The following TF variants were observed in gnomAD, a reference collection of about 807,000 sequenced individuals.
TF encodes the protein transferrin.
Under a neutral mutation model 82.4 loss-of-function variants are expected in TF, and 55 were observed. The ratio of observed to expected loss-of-function variants is 0.67; its 90% CI spans 0.54 to 0.84. The LOEUF (loss-of-function observed/expected upper bound fraction) is 0.84, where lower values mean the gene tolerates loss of function less well. TF is among the 40% of genes least tolerant of loss of function. The probability of loss-of-function intolerance (pLI) is 0.00; values close to 1 mark genes in which losing one functional copy is unlikely to be tolerated. For synonymous variants in TF, 332 were observed against 332.6 expected (o/e 1.00, Z 0.02); for missense variants, 737 against 868.4 (o/e 0.85, Z 1.90).
At chr3:133,730,887 A>C in the TF span, among the ~76,000 whole-genome samples, 1 of 152,110 alleles carries the variant, frequency 6.6e-6, no homozygotes, top group Admixed American at 6.5e-5. Flanking sequence ...TTTTAAGTAG[A>C]TGCTACCCTA....
the TF span, among the ~76,000 whole-genome samples, chr3:133,697,545 C>G: frequency 6.6e-6 from 1 of 152,202 alleles, no homozygotes; most frequent in South Asian, 2.1e-4. Flanking sequence ...TGCCCAAAGT[C>G]ACTTGTGTGC....
At chr3:133,701,411 A>T in the TF span, among the ~76,000 whole-genome samples, 1 of 152,200 alleles carries the variant, frequency 6.6e-6, no homozygotes, top group Non-Finnish European at 1.5e-5. Context: ...CTGGCCATCT[A>T]CTGGATCTCT....
Position 133,751,152 on chromosome 3 carries a change from T to C in TF, c.217-2443T>C, listed in dbSNP as rs561845507. ...CTTAAAAATAAATGAAACTCTGATA[T>C]ATGCTACACTGAGATGAACCTTGAA... On this transcript the variant is annotated intron_variant, in intron 2 of 16. Transcript: ENST00000402696. Among the ~76,000 whole-genome samples the C allele has an allele frequency of 2.2e-4, 34 of 152,120 alleles. 1 individual carries two copies. Among genetic ancestry groups the C allele is most frequent in the Middle Eastern group, 3.4e-3 (1 of 294 alleles).
chr3:133,727,340 T>C, the TF span, among the ~76,000 whole-genome samples: 2 of 150,874 alleles, frequency 1.3e-5, no homozygotes, highest in South Asian at 4.3e-4. Flanking sequence ...TGGGTGCTCC[T>C]GTATTGGGTG....
At position 133,766,430 on chromosome 3, in the gene TF, T is replaced by C; in HGVS notation, c.1483T>C (p.Phe495Leu). 6.2e-7 allele frequency: 1 copy of C among 1,613,940 alleles called. No individual in the cohort carries two copies. The highest frequency in any genetic ancestry group is 1.7e-5 in the Admixed American group (1 of 60,012). ...CTACAATAAGATCAACCACTGCAGA[T>C]TTGGTGAGTGAATATTGGGAAGGAG... ...LLYNKINHCR[F>L]DEFFSEGCAP... The change falls in exon 12 of 17, where the codon TTT (phenylalanine) becomes CTT (leucine). Residue 495 changes from phenylalanine (F) to leucine (L), a missense_variant. Coordinates refer to ENST00000402696, the MANE Select transcript of TF (RefSeq NM_001063.4).
At chr3:133,748,119 A>G (rs1014517908) in intron 1 of TF, 2 of 468,334 alleles carry the variant, frequency 4.3e-6, no homozygotes, top group Non-Finnish European at 7.9e-6. Context: ...ATGGGAGGAG[A>G]CAAGGCGGAT....
At chr3:133,777,411 G>A in intron 16 of TF, 173 bp downstream of exon 16, 1 of 642,876 alleles carries the variant, frequency 1.6e-6, no homozygotes, top group South Asian at 1.8e-5. Context: ...TAGACTGTAG[G>A]GGCAGATAGT....
At position 133,777,258 on chromosome 3, in the gene TF, T is replaced by C. The variant is rs377694604; in HGVS notation, c.2062+20T>C. ...CCTCATGTGAGTAGGAGGAACAGCA[T>C]GGGGAAGTGGCAACCAAACATGGTG... On this transcript the variant is annotated intron_variant, in intron 16 of 16. Transcript: ENST00000402696. 355 of 1,607,756 alleles carry C rather than the reference T, an allele frequency of 2.2e-4. 1 individual carries two copies. The highest frequency in any genetic ancestry group is 2.6e-4 in the Non-Finnish European group (311 of 1,179,438).
chr3:133,757,760 T>C lies in TF; in HGVS notation c.871-9T>C. 1 of 1,613,556 alleles carries C rather than the reference T, an allele frequency of 6.2e-7. No homozygotes were observed. Among genetic ancestry groups the C allele is most frequent in the Non-Finnish European group, 8.5e-7 (1 of 1,179,398 alleles). ...GTTGCCATCCACTATTCTGTTTTTC[T>C]ATGAACAGGAACATTTTGGCAAAGA... On this transcript the variant is annotated splice_polypyrimidine_tract_variant and intron_variant, in intron 7 of 16. Transcript: ENST00000402696.
the TF span, among the ~76,000 whole-genome samples, chr3:133,687,197 G>C: frequency 6.6e-6 from 1 of 152,148 alleles, no homozygotes; most frequent in Non-Finnish European, 1.5e-5. Context: ...GCCTGTTTTG[G>C]AGTGGGGGGA....
At chr3:133,715,450 A>G in the TF span, among the ~76,000 whole-genome samples, 1 of 152,066 alleles carries the variant, frequency 6.6e-6, no homozygotes, top group Non-Finnish European at 1.5e-5. Flanking sequence ...TTGCCCTGGC[A>G]GTTCTCCCTT....
the TF span, among the ~76,000 whole-genome samples, chr3:133,727,991 C>T: frequency 1.3e-5 from 2 of 152,348 alleles, no homozygotes; most frequent in East Asian, 3.9e-4. Flanking sequence ...CCCCCACTCT[C>T]TTCTGGCTGG....
the TF span, among the ~76,000 whole-genome samples, chr3:133,669,838 T>C: frequency 6.6e-6 from 1 of 152,270 alleles, no homozygotes; most frequent in Non-Finnish European, 1.5e-5. Context: ...TTTGCTATTA[T>C]AGCAGTTAGT....
intron 11 of TF, among the ~76,000 whole-genome samples, chr3:133,765,550 G>A (rs61099606): frequency 0.014 from 2,096 of 152,228 alleles, 60 homozygotes; most frequent in African/African-American, 0.047. Context: ...AGCCATTACT[G>A]TACAAGTCTG....
At chr3:133,696,506 A>C in the TF span, among the ~76,000 whole-genome samples, 2 of 152,178 alleles carry the variant, frequency 1.3e-5, no homozygotes, top group African/African-American at 4.8e-5. Context: ...TTCTTTCTTT[A>C]GTGCTCAGTT....
chr3:133,748,282 G>GTGT, intron 1 of TF, 130 bp from the exon 2 acceptor site: 1 of 1,142,930 alleles, frequency 8.7e-7, no homozygotes, highest in Non-Finnish European at 1.3e-6. Context: ...GTGCCCTGTA[G>GTGT]TGTTCATGGA....
At chr3:133,715,680 C>A in the TF span, among the ~76,000 whole-genome samples, 1 of 152,094 alleles carries the variant, frequency 6.6e-6, no homozygotes, top group African/African-American at 2.4e-5. Flanking sequence ...TCCCCAGGAC[C>A]CAGTTTAAGA....
At chr3:133,767,895 G>C in intron 12 of TF, 134 bp from the exon 13 acceptor site, 1 of 1,112,186 alleles carries the variant, frequency 9.0e-7, no homozygotes, top group Non-Finnish European at 1.4e-6. Flanking sequence ...GCAAGTCCTG[G>C]GTTGGTGGTG....
intron 13 of TF, among the ~76,000 whole-genome samples, chr3:133,769,843 A>C (rs1934216307): frequency 6.6e-6 from 1 of 152,026 alleles, no homozygotes; most frequent in African/African-American, 2.4e-5. Context: ...TAAAATTAGA[A>C]CCCTACTAAC....
Sources: gnomAD v4.1 joint callset for allele counts (sites outside exome capture counted in the v4.1 genomes callset) on GRCh38, gnomAD v4.1.1 for gene constraint, MANE v1.5 for transcripts, NCBI Gene and HGNC (gene_info 2026-07-23, HGNC 2026-07-21) for gene names.